The following TRIM7 variants were observed in gnomAD, a reference collection of about 807,000 sequenced individuals.
TRIM7 encodes tripartite motif containing 7.
In TRIM7, 32 loss-of-function variants were observed where a neutral mutation model predicts 37.9. The observed-to-expected ratio is 0.84, with a 90% CI of 0.64 to 1.13. The LOEUF is 1.13. TRIM7 is among the 50% of genes most tolerant of loss of function. TRIM7 has a pLI of 0.00. For missense variants in TRIM7, 732 were observed against 714.0 expected, an observed-to-expected ratio of 1.03 and a Z score of -0.29; for synonymous variants, 351 against 321.3, an observed-to-expected ratio of 1.09 and a Z score of -0.99.
chr5:181,196,568 T>G (rs1259917242), intron 6 of TRIM7: 1 of 152,084 alleles, frequency 6.6e-6, no homozygotes, highest in Non-Finnish European at 1.5e-5. Flanking sequence ...AATACAAAAA[T>G]TAGCCCGGCA....
intron 2 of TRIM7, chr5:181,202,426 A>G (rs952373683): frequency 5.9e-5 from 9 of 152,020 alleles, no homozygotes; most frequent in African/African-American, 2.2e-4. Flanking sequence ...TGATCCGCCC[A>G]CCTCGACCTC....
rs761972604 is a variant in TRIM7 at position 181,194,795 on chromosome 5, C to A, written c.*371G>T. The A allele has an allele frequency of 8.0e-5, 15 of 188,596 alleles. No individual in the cohort carries two copies. Among genetic ancestry groups the A allele is most frequent in the Non-Finnish European group, 1.6e-4 (15 of 92,562 alleles). 11.7% of individuals were successfully genotyped at this position (188,596 alleles called of 1,614,324 possible). A position where few individuals can be genotyped will look rare whatever the true frequency, so the allele number is the denominator to read the frequency against. ...CGTGGTTGGCCCAGGCCCAGACCTG[C>A]CCCCTGGCAACAGAGAACAGCAGGA... On this transcript the variant is annotated 3_prime_UTR_variant, in exon 7 of 7. Transcript: ENST00000274773.
rs116559191 is a variant in TRIM7, at chr5:181,201,946, G to A, written c.618+1599C>T. Among the ~76,000 whole-genome samples, 984 of 152,248 alleles carry A rather than the reference G, an allele frequency of 6.5e-3. 12 individuals are homozygous for A. Among genetic ancestry groups the A allele is most frequent in the African/African-American group, 0.023 (957 of 41,534 alleles). ...ATTTCTCCAGTGGAGGAGGGATGAA[G>A]GTCTAGAGGGTGAGCTCTTCCTCAT... On this transcript the variant is annotated intron_variant, in intron 2 of 6. Coordinates refer to ENST00000274773, the MANE Select transcript of TRIM7 (RefSeq NM_203293.3).
rs1466465151 is a variant in TRIM7 at position 181,205,072 on chromosome 5, G to A, written c.39C>T (p.Gly13=). 3 of 1,372,052 alleles carry A rather than the reference G, an allele frequency of 2.2e-6. No homozygotes were observed. Among genetic ancestry groups the A allele is most frequent in the Non-Finnish European group, 2.8e-6 (3 of 1,066,390 alleles). 85.0% of individuals were successfully genotyped at this position (1,372,052 alleles called of 1,614,324 possible). The change falls in exon 1 of 7, where the codon GGC becomes GGT. Residue 13 remains glycine, a synonymous_variant. Coordinates refer to ENST00000274773, the MANE Select transcript of TRIM7 (RefSeq NM_203293.3). ...AVGPRTGPGT[G]AEALALAAEL... is the part of the protein sequence containing the mutation. The stretch of plus-strand genomic sequence containing the variant: ...CTGCCGCCAGCGCTAGAGCCTCGGC[G>A]CCGGTTCCGGGGCCGGTCCGCGGTC...
At chr5:181,197,606 C>CGTCA (rs1054721789) in intron 6 of TRIM7, 2 of 155,288 alleles carry the variant, frequency 1.3e-5, no homozygotes, top group Non-Finnish European at 2.8e-5. Flanking sequence ...GGGACTCTGA[C>CGTCA]CTTTACCAAG....
chr5:181,199,826 G>A lies in TRIM7; in HGVS notation c.849+25C>T, dbSNP rs770411661. 1.5e-4 allele frequency: 248 copies of A among 1,601,300 alleles called. 2 individuals carry two copies. In the South Asian group the frequency reaches 1.7e-3, roughly 11 times the overall value. On this transcript the variant is annotated intron_variant, in intron 3 of 6. Coordinates refer to ENST00000274773, the MANE Select transcript of TRIM7 (RefSeq NM_203293.3). ...CCTGATGCCTTAGGATAAATGACTCGAGCCCCTGGCTGAGCCAGACTTACC... is the reference window on the plus strand; with the variant it reads ...CCTGATGCCTTAGGATAAATGACTCAAGCCCCTGGCTGAGCCAGACTTACC...
In TRIM7 at chr5:181,195,398, A is replaced by G; in HGVS notation, c.1304T>C (p.Leu435Pro). 6.3e-7 allele frequency: 1 copy of G among 1,589,572 alleles called. No individual in the cohort carries two copies. The highest frequency in any genetic ancestry group is 1.3e-5 in the African/African-American group (1 of 74,388). Residue 435 changes from leucine to proline, a missense_variant, in exon 7 of 7, where the codon CTG becomes CCG. Transcript: ENST00000274773. The stretch of plus-strand genomic sequence containing the variant: ...CCAGTACTGGCCGCCGTTGAGCTGC[A>G]GGGCCCAGACGCCCTCCTCGGGAGT... The part of the protein sequence containing the change: ...PFTPEEGVWA[L>P]QLNGGQYWAV...
At chr5:181,198,119 G>A (rs1582226526) in intron 6 of TRIM7, 64 bp downstream of exon 6, 10 of 1,587,152 alleles carry the variant, frequency 6.3e-6, no homozygotes, top group Admixed American at 3.4e-5. Flanking sequence ...AGATGGTCAC[G>A]AGCAGGGAGT....
In TRIM7 at chr5:181,198,393, C is replaced by T. The variant is rs1169329214; in HGVS notation, c.989-175G>A. The T allele has an allele frequency of 4.2e-6, 3 of 706,520 alleles. No homozygotes were observed. In the African/African-American group the frequency reaches 5.2e-5, roughly 12 times the overall value. The allele number at this position is 706,520 out of a possible 1,614,324, so 43.8% of individuals were successfully genotyped here. A position where few individuals can be genotyped will look rare whatever the true frequency, so the allele number is the denominator to read the frequency against. ...GGAGCGGGGGGCAGGGGGCCCATAC[C>T]CAAGCATTCTAGCTCTACCCAAGTG... On this transcript the variant is annotated intron_variant, in intron 5 of 6. Coordinates refer to ENST00000274773, the MANE Select transcript of TRIM7 (RefSeq NM_203293.3).
chr5:181,194,387 A>G lies in TRIM7; in HGVS notation c.*779T>C, dbSNP rs1185850853. 1 of 152,330 alleles carries G rather than the reference A, an allele frequency of 6.6e-6. No homozygotes were observed. The highest frequency in any genetic ancestry group is 1.5e-5 in the Non-Finnish European group (1 of 68,118). 9.4% of individuals were successfully genotyped at this position (152,330 alleles called of 1,614,324 possible). On this transcript the variant is annotated 3_prime_UTR_variant, in exon 7 of 7. Coordinates refer to ENST00000274773, the MANE Select transcript of TRIM7 (RefSeq NM_203293.3). ...GACCCAGTCTCTTAAAAGAAAATTA[A>G]AAAGAAAGAGTAAATAAAGTTCCAG...
At chr5:181,202,785 T>G (rs556524222) in intron 2 of TRIM7, 2 of 149,792 alleles carry the variant, frequency 1.3e-5, no homozygotes, top group African/African-American at 2.5e-5. Flanking sequence ...AGGACGGTCT[T>G]GATCTCCTGA....
intron 1 of TRIM7, chr5:181,204,060 C>A (rs1203901146): frequency 8.0e-6 from 8 of 1,000,520 alleles, no homozygotes; most frequent in African/African-American, 1.7e-5. Context: ...AAAGAAAGGG[C>A]CCCCAGAATC....
rs1288620594 is a variant in TRIM7, at chr5:181,203,441, G to A, written c.618+104C>T. 1.2e-5 allele frequency: 19 copies of A among 1,543,648 alleles called. No individual in the cohort carries two copies. In the East Asian group the frequency reaches 3.9e-4, roughly 31 times the overall value. On this transcript the variant is annotated intron_variant, in intron 2 of 6. Coordinates refer to ENST00000274773, the MANE Select transcript of TRIM7 (RefSeq NM_203293.3). ...CTATTATCTTTCTGAAATCGATTCT[G>A]CGGTTCCATAGCACACACTCCAACA... is the stretch of plus-strand genomic sequence containing the variant.
chr5:181,200,242 C>T (rs1431759643), intron 2 of TRIM7, 161 bp from the exon 3 acceptor site: 4 of 1,508,256 alleles, frequency 2.7e-6, no homozygotes, highest in Non-Finnish European at 2.6e-6. Context: ...TTGTCAGTGT[C>T]CCAGCTCTGA....
intron 2 of TRIM7, chr5:181,201,010 CT>C: frequency 1.4e-6 from 1 of 738,076 alleles, no homozygotes; most frequent in Non-Finnish European, 1.6e-6. Context: ...CCCTTCAAGT[CT>C]TACAGGTGAG....
intron 6 of TRIM7, 65 bp downstream of exon 6, chr5:181,198,118 C>T: frequency 7.6e-6 from 12 of 1,587,146 alleles, no homozygotes; most frequent in Admixed American, 3.4e-5. Flanking sequence ...GAGATGGTCA[C>T]GAGCAGGGAG....
chr5:181,198,598 C>T (rs1582227826), intron 5 of TRIM7, 92 bp downstream of exon 5: 2 of 886,508 alleles, frequency 2.3e-6, no homozygotes. Context: ...TCACACACAG[C>T]TTCTGGAAAG....
intron 2 of TRIM7, chr5:181,200,438 GGATTAAACTGA>G: frequency 8.1e-7 from 1 of 1,239,940 alleles, no homozygotes; most frequent in South Asian, 2.7e-5. Context: ...GGCAACCATA[GGATTAAACTGA>G]GATTGCTTTT....
Position 181,204,953 on chromosome 5 carries a change from A to C in TRIM7, c.158T>G (p.Ile53Arg). ...ECGHSFCRACIGRCWERPGAG... is the reference protein window; with the variant it reads ...ECGHSFCRACRGRCWERPGAG... Reference sequence around the variant, plus strand: ...GCCCGGGCGCTCCCAGCAGCGCCCTATGCAGGCGCGGCAGAAGCTGTGGCC... The same window carrying C: ...GCCCGGGCGCTCCCAGCAGCGCCCTCTGCAGGCGCGGCAGAAGCTGTGGCC... The change falls in exon 1 of 7, where the codon ATA becomes AGA. Residue 53 changes from isoleucine to arginine, a missense_variant. Ile to Arg is a moderately conservative substitution (Grantham distance 97). Transcript: ENST00000274773. The C allele has an allele frequency of 6.8e-7, 1 of 1,466,186 alleles. No individual in the cohort carries two copies. Among genetic ancestry groups the C allele is most frequent in the Non-Finnish European group, 9.0e-7 (1 of 1,117,224 alleles). 90.8% of individuals were successfully genotyped at this position (1,466,186 alleles called of 1,614,324 possible).
Sources: allele counts gnomAD v4.1 joint callset (sites outside exome capture counted in the v4.1 genomes callset), GRCh38; gene constraint gnomAD v4.1.1; transcripts MANE v1.5; gene names NCBI Gene and HGNC (gene_info 2026-07-23, HGNC 2026-07-21).